The following HLCS variants were observed in gnomAD, a reference collection of about 807,000 sequenced individuals.
The protein encoded by HLCS is biotin--protein ligase.
A neutral mutation model predicts 75.0 loss-of-function variants in HLCS; 53 were observed. That is an observed-to-expected ratio of 0.71 (90% confidence interval 0.57 to 0.89). HLCS has a LOEUF of 0.89. Among genes scored for constraint, HLCS ranks in the 40% least tolerant of loss-of-function variants. The pLI is 0.00. For missense variants in HLCS, 966 were observed against 1,074.0 expected, an observed-to-expected ratio of 0.90 and a Z score of 1.41; for synonymous variants, 431 against 428.6, an observed-to-expected ratio of 1.01 and a Z score of -0.07.
At chr21:36,833,638 T>C (rs2062299066) in intron 6 of HLCS, among the ~76,000 whole-genome samples, 4 of 148,958 alleles carry the variant, frequency 2.7e-5, no homozygotes, top group Admixed American at 2.0e-4. Flanking sequence ...TGACTCTGTA[T>C]GGAGATTTTA....
intron 10 of HLCS, among the ~76,000 whole-genome samples, chr21:36,755,320 G>C (rs998660224): frequency 6.6e-6 from 1 of 151,650 alleles, no homozygotes; most frequent in Non-Finnish European, 1.5e-5. Flanking sequence ...AGGATCATTT[G>C]AGCCCGGGAG....
intron 6 of HLCS, among the ~76,000 whole-genome samples, chr21:36,808,500 C>T (rs1176096084): frequency 6.6e-6 from 1 of 152,186 alleles, no homozygotes; most frequent in Non-Finnish European, 1.5e-5. Flanking sequence ...TCACAGTCTG[C>T]CTACAGTCAG....
intron 6 of HLCS, among the ~76,000 whole-genome samples, chr21:36,831,501 G>A (rs2062208984): frequency 6.6e-6 from 1 of 152,156 alleles, no homozygotes; most frequent in South Asian, 2.1e-4. Context: ...CCAACATGGT[G>A]AAACCCTGTC....
chr21:36,960,474 G>A (rs1226713374), intron 2 of HLCS, among the ~76,000 whole-genome samples: 1 of 152,172 alleles, frequency 6.6e-6, no homozygotes, highest in Non-Finnish European at 1.5e-5. Context: ...AGAACGTACT[G>A]TCTTAACACA....
Position 36,759,813 on chromosome 21 carries a change from T to A in HLCS, c.2150A>T (p.Asn717Ile). ...CATGAGGTCACTGTAATAAATATCG[T>A]TGGGCCACTTCACTCGTAAGTTGAT... ...QDINLRVKWP[N>I]DIYYSDLMKI... is the part of the protein sequence containing the mutation. The change falls in exon 9 of 11, where the codon AAC becomes ATC. Residue 717 changes from asparagine (N) to isoleucine (I), a missense_variant. Coordinates refer to ENST00000674895, the MANE Select transcript of HLCS (RefSeq NM_001352514.2). 6.2e-7 allele frequency: 1 copy of A among 1,613,114 alleles called. No individual in the cohort carries two copies. The highest frequency in any genetic ancestry group is 1.1e-5 in the South Asian group (1 of 91,060).
chr21:36,921,106 T>C (rs1436608588), intron 5 of HLCS, among the ~76,000 whole-genome samples: 4 of 152,176 alleles, frequency 2.6e-5, no homozygotes, highest in African/African-American at 9.7e-5. Flanking sequence ...TTACCAAATG[T>C]TTACCTAGGG....
chr21:36,981,406 T>TTC (rs1433988943), intron 1 of HLCS, among the ~76,000 whole-genome samples: 4 of 144,534 alleles, frequency 2.8e-5, no homozygotes, highest in African/African-American at 7.8e-5. Context: ...TTTTTTTTTT[T>TTC]TTTTTTTTTT....
At chr21:36,855,797 C>G (rs898841876) in intron 6 of HLCS, among the ~76,000 whole-genome samples, 2 of 152,056 alleles carry the variant, frequency 1.3e-5, no homozygotes, top group Non-Finnish European at 2.9e-5. Context: ...AGGCTGGTCT[C>G]AAACTCTTGA....
chr21:36,882,699 GAT>G (rs2064281833), intron 6 of HLCS, among the ~76,000 whole-genome samples: 1 of 145,526 alleles, frequency 6.9e-6, no homozygotes, highest in Non-Finnish European at 1.5e-5. Context: ...CTGACCTCGT[GAT>G]CCACCCACCT....
At chr21:36,927,406 G>A (rs1468766097) in intron 5 of HLCS, among the ~76,000 whole-genome samples, 1 of 152,212 alleles carries the variant, frequency 6.6e-6, no homozygotes, top group Non-Finnish European at 1.5e-5. Flanking sequence ...TTTCTCTTTG[G>A]GTCTTGCTAC....
Position 36,754,076 on chromosome 21 carries a change from A to G in HLCS, c.*170T>C. 1 of 766,434 alleles carries G rather than the reference A, an allele frequency of 1.3e-6. No homozygotes were observed. The highest frequency in any genetic ancestry group is 2.6e-5 in the Admixed American group (1 of 39,170). 47.5% of individuals were successfully genotyped at this position (766,434 alleles called of 1,614,324 possible). ...AACCATCTATCCCAGAGCCTCTTCA[A>G]ACACCAAAGAAAACGACAACAAAAC... is the stretch of plus-strand genomic sequence containing the variant. On this transcript the variant is annotated 3_prime_UTR_variant, in exon 11 of 11. Transcript: ENST00000674895.
At chr21:36,866,925 T>G (rs2063578410) in intron 6 of HLCS, among the ~76,000 whole-genome samples, 1 of 152,164 alleles carries the variant, frequency 6.6e-6, no homozygotes, top group South Asian at 2.1e-4. Context: ...AGTGCTCATT[T>G]TTTCCCTTTT....
At chr21:36,911,620 G>T (rs1374787520) in intron 5 of HLCS, among the ~76,000 whole-genome samples, 1 of 151,804 alleles carries the variant, frequency 6.6e-6, no homozygotes, top group African/African-American at 2.4e-5. Flanking sequence ...GTTGTGGCAG[G>T]TGCCTGTAGT....
chr21:36,918,717 C>A (rs900818806), intron 5 of HLCS, among the ~76,000 whole-genome samples: 1 of 152,210 alleles, frequency 6.6e-6, no homozygotes, highest in Non-Finnish European at 1.5e-5. Flanking sequence ...GGTTCTTCTG[C>A]ATATTATTCC....
chr21:36,793,293 G>GTT (rs1569018321), intron 6 of HLCS, among the ~76,000 whole-genome samples: 1 of 108,496 alleles, frequency 9.2e-6, no homozygotes, highest in Non-Finnish European at 2.1e-5. Context: ...GCAGGAAGCA[G>GTT]TCTTTTTTTT....
chr21:36,897,224 G>T, intron 5 of HLCS, 93 bp from the exon 6 acceptor site: 1 of 1,247,188 alleles, frequency 8.0e-7, no homozygotes. Flanking sequence ...GGTAATATGA[G>T]TACTTCCTAA....
intron 6 of HLCS, among the ~76,000 whole-genome samples, chr21:36,836,419 G>A (rs535165290): frequency 8.6e-5 from 13 of 150,710 alleles, no homozygotes; most frequent in Admixed American, 2.0e-4. Flanking sequence ...CCACTAACTC[G>A]TCATCTAGCA....
intron 1 of HLCS, among the ~76,000 whole-genome samples, chr21:36,965,252 A>C (rs564307052): frequency 6.6e-6 from 1 of 152,256 alleles, no homozygotes; most frequent in Non-Finnish European, 1.5e-5. Flanking sequence ...AGAAAACGTC[A>C]TTTTAGTGCT....
chr21:36,864,573 T>A (rs2063493431), intron 6 of HLCS, among the ~76,000 whole-genome samples: 1 of 152,244 alleles, frequency 6.6e-6, no homozygotes, highest in African/African-American at 2.4e-5. Flanking sequence ...TTTTATTTCC[T>A]GTAACCATTA....
Sources: gnomAD v4.1 joint callset for allele counts (sites outside exome capture counted in the v4.1 genomes callset) on GRCh38, gnomAD v4.1.1 for gene constraint, MANE v1.5 for transcripts, NCBI Gene and HGNC (gene_info 2026-07-23, HGNC 2026-07-21) for gene names.